Variants in CNTNAP2 observed in about 807,000 individuals in gnomAD.
CNTNAP2 encodes the protein contactin-associated protein-like 2.
CNTNAP2 carries 98 observed loss-of-function variants against 155.2 expected under a neutral mutation model. The ratio of observed to expected loss-of-function variants is 0.63; its 90% CI spans 0.54 to 0.75. CNTNAP2 has a LOEUF of 0.75. CNTNAP2 is among the 30% of genes least tolerant of loss of function. The pLI is 0.00. For synonymous variants in CNTNAP2, 651 were observed against 631.2 expected, an observed-to-expected ratio of 1.03 and a Z score of -0.47; for missense variants, 1,727 against 1,688.1, an observed-to-expected ratio of 1.02 and a Z score of -0.40.
chr7:147,565,255 C>T (rs1191354848), intron 12 of CNTNAP2, among the ~76,000 whole-genome samples: 2 of 152,114 alleles, frequency 1.3e-5, no homozygotes, highest in Non-Finnish European at 2.9e-5. Context: ...AACTGAAATC[C>T]CAGTGGCTGG....
chr7:146,250,250 G>C (rs778258623), intron 1 of CNTNAP2, among the ~76,000 whole-genome samples: 4 of 152,144 alleles, frequency 2.6e-5, no homozygotes, highest in Non-Finnish European at 2.9e-5. Flanking sequence ...AATATGTAGA[G>C]CATCTAATAC....
At chr7:147,478,091 A>G (rs1563220147) in intron 10 of CNTNAP2, among the ~76,000 whole-genome samples, 3 of 152,152 alleles carry the variant, frequency 2.0e-5, no homozygotes, top group African/African-American at 7.2e-5. Flanking sequence ...AAAGTAGAGG[A>G]ACTGCAGTCC....
At chr7:146,940,736 T>C (rs566606024) in intron 3 of CNTNAP2, among the ~76,000 whole-genome samples, 110 of 151,842 alleles carry the variant, frequency 7.2e-4, no homozygotes, top group African/African-American at 2.3e-3. Flanking sequence ...TGTATATATA[T>C]ACACACACAC....
chr7:146,713,574 T>G (rs541889222), intron 1 of CNTNAP2, among the ~76,000 whole-genome samples: 1 of 152,314 alleles, frequency 6.6e-6, no homozygotes, highest in Admixed American at 6.5e-5. Flanking sequence ...TTTATATTGT[T>G]GCTATGTATC....
chr7:148,193,539 A>C (rs1795231743), intron 18 of CNTNAP2, among the ~76,000 whole-genome samples: 1 of 152,194 alleles, frequency 6.6e-6, no homozygotes, highest in Admixed American at 6.5e-5. Flanking sequence ...GGGGCCCATG[A>C]AAGTCATAAT....
chr7:146,524,659 A>G (rs1027995880), intron 1 of CNTNAP2, among the ~76,000 whole-genome samples: 2 of 152,134 alleles, frequency 1.3e-5, no homozygotes, highest in African/African-American at 4.8e-5. Flanking sequence ...AAGGGAGCAG[A>G]GAGCTCAGGG....
chr7:147,325,500 C>A (rs1795438023), intron 9 of CNTNAP2, among the ~76,000 whole-genome samples: 1 of 151,970 alleles, frequency 6.6e-6, no homozygotes, highest in Non-Finnish European at 1.5e-5. Context: ...GGAGGAAAGT[C>A]CTAGACTGAG....
chr7:146,147,029 G>A (rs1797967435), intron 1 of CNTNAP2, among the ~76,000 whole-genome samples: 1 of 152,146 alleles, frequency 6.6e-6, no homozygotes, highest in African/African-American at 2.4e-5. Context: ...GAAAGAAGCT[G>A]TGTAAACATT....
intron 9 of CNTNAP2, among the ~76,000 whole-genome samples, chr7:147,339,847 C>G (rs185180109): frequency 6.6e-6 from 1 of 152,154 alleles, no homozygotes; most frequent in East Asian, 1.9e-4. Flanking sequence ...AGAGATAATC[C>G]AGTAAATTGG....
At chr7:147,143,838 C>T (rs1287334055) in intron 8 of CNTNAP2, among the ~76,000 whole-genome samples, 3 of 151,890 alleles carry the variant, frequency 2.0e-5, no homozygotes, top group Admixed American at 6.6e-5. Context: ...AAAATGAAAG[C>T]GTGTATACAT....
chr7:147,680,300 A>G (rs899515795), intron 13 of CNTNAP2, among the ~76,000 whole-genome samples: 3 of 151,920 alleles, frequency 2.0e-5, no homozygotes, highest in African/African-American at 7.2e-5. Context: ...TATAGCGACT[A>G]CTTTTCACCT....
chr7:148,249,467 T>C (rs563077266), intron 20 of CNTNAP2, among the ~76,000 whole-genome samples: 1 of 152,342 alleles, frequency 6.6e-6, no homozygotes, highest in South Asian at 2.1e-4. Flanking sequence ...TCTCATCCAA[T>C]GTCGTGCTCT....
chr7:147,099,196 G>T (rs928200024), intron 4 of CNTNAP2, among the ~76,000 whole-genome samples: 5 of 152,116 alleles, frequency 3.3e-5, no homozygotes, highest in Admixed American at 3.3e-4. Context: ...CCTGATTCTG[G>T]GATGAATAGG....
intron 8 of CNTNAP2, among the ~76,000 whole-genome samples, chr7:147,214,023 A>C (rs546371500): frequency 6.6e-6 from 1 of 152,102 alleles, no homozygotes; most frequent in East Asian, 1.9e-4. Context: ...TAGTCCACCA[A>C]CTCACCTGCC....
intron 13 of CNTNAP2, among the ~76,000 whole-genome samples, chr7:147,780,787 G>A (rs889102537): frequency 3.9e-5 from 6 of 152,118 alleles, no homozygotes; most frequent in African/African-American, 1.4e-4. Flanking sequence ...TAAGAAGTGG[G>A]GTCTGCTAGT....
intron 1 of CNTNAP2, among the ~76,000 whole-genome samples, chr7:146,487,332 C>T (rs1797072253): frequency 1.3e-5 from 2 of 152,146 alleles, no homozygotes; most frequent in African/African-American, 4.8e-5. Context: ...TTAATGGAGA[C>T]ATTTAAAAGA....
Position 146,594,773 on chromosome 7 carries a change from G to C in CNTNAP2, c.98-179498G>C, listed in dbSNP as rs1232745995. On this transcript the variant is annotated intron_variant, in intron 1 of 23. Transcript: ENST00000361727. ...AATAAATGAAGAGAAGATATGTCAT[G>C]CCTCACAGGCAATCATATACTGATA... is the stretch of plus-strand genomic sequence containing the variant. Among the ~76,000 whole-genome samples, 4 of 152,028 alleles carry C rather than the reference G, an allele frequency of 2.6e-5. 1 individual carries two copies. The highest frequency in any genetic ancestry group is 5.9e-5 in the Non-Finnish European group (4 of 67,978).
intron 13 of CNTNAP2, among the ~76,000 whole-genome samples, chr7:147,783,219 C>T (rs1024716151): frequency 6.6e-6 from 1 of 152,122 alleles, no homozygotes; most frequent in African/African-American, 2.4e-5. Context: ...ATTGTGTGCC[C>T]ATGTAATTAG....
chr7:146,337,691 A>G (rs1801301576), intron 1 of CNTNAP2, among the ~76,000 whole-genome samples: 1 of 152,046 alleles, frequency 6.6e-6, no homozygotes, highest in Admixed American at 6.6e-5. Context: ...GCTGGTCTCA[A>G]ACTCCTGGGT....
Sources: gnomAD v4.1 joint callset for allele counts (sites outside exome capture counted in the v4.1 genomes callset) on GRCh38, gnomAD v4.1.1 for gene constraint, MANE v1.5 for transcripts, NCBI Gene and HGNC (gene_info 2026-07-23, HGNC 2026-07-21) for gene names.